Variants in SIPA1L1 observed in about 807,000 individuals in gnomAD.
The protein encoded by SIPA1L1 is signal induced proliferation associated 1 like 1.
SIPA1L1 carries 26 observed loss-of-function variants against 162.7 expected under a neutral mutation model. That is an observed-to-expected ratio of 0.16 (90% CI 0.12 to 0.22). The LOEUF (loss-of-function observed/expected upper bound fraction) is 0.22, where lower values mean the gene tolerates loss of function less well. SIPA1L1 is among the 10% of genes least tolerant of loss of function. The pLI is 1.00. For missense variants in SIPA1L1, 1,874 were observed against 2,241.0 expected, an observed-to-expected ratio of 0.84 and a Z score of 3.31; for synonymous variants, 829 against 837.4, an observed-to-expected ratio of 0.99 and a Z score of 0.17.
intron 4 of SIPA1L1, among the ~76,000 whole-genome samples, chr14:71,537,110 A>G (rs1226935927): frequency 1.3e-5 from 2 of 152,200 alleles, no homozygotes; most frequent in African/African-American, 4.8e-5. Flanking sequence ...TGGTAGTGAC[A>G]TCCCTGTTTA....
At chr14:71,456,408 G>A (rs2046192797) in intron 2 of SIPA1L1, among the ~76,000 whole-genome samples, 1 of 152,162 alleles carries the variant, frequency 6.6e-6, no homozygotes, top group African/African-American at 2.4e-5. Flanking sequence ...TCAATTTTAT[G>A]TACTAAAATA....
intron 13 of SIPA1L1, among the ~76,000 whole-genome samples, chr14:71,693,635 T>G (rs1181383389): frequency 1.3e-5 from 2 of 152,148 alleles, no homozygotes; most frequent in Non-Finnish European, 2.9e-5. Flanking sequence ...TTGCTTGAAG[T>G]TGAACACAAC....
chr14:71,519,037 C>G (rs1045724726), intron 3 of SIPA1L1, among the ~76,000 whole-genome samples: 1 of 152,134 alleles, frequency 6.6e-6, no homozygotes, highest in African/African-American at 2.4e-5. Context: ...ATTACCTTCC[C>G]GGGGTCCCTC....
intron 2 of SIPA1L1, among the ~76,000 whole-genome samples, chr14:71,324,285 C>CTGAA (rs1269717420): frequency 6.6e-6 from 1 of 152,158 alleles, no homozygotes; most frequent in African/African-American, 2.4e-5. Context: ...TATGAGGAAA[C>CTGAA]TGAAGCCCAG....
intron 5 of SIPA1L1, among the ~76,000 whole-genome samples, chr14:71,606,196 G>A (rs564567628): frequency 3.9e-5 from 6 of 152,300 alleles, no homozygotes; most frequent in East Asian, 3.9e-4. Flanking sequence ...ACATGCAGAC[G>A]GGTGGAAAAC....
At chr14:71,412,232 T>C (rs1249363302) in intron 2 of SIPA1L1, among the ~76,000 whole-genome samples, 1 of 152,238 alleles carries the variant, frequency 6.6e-6, no homozygotes, top group Admixed American at 6.5e-5. Context: ...ACGAGCCACA[T>C]GTGGCACAGG....
chr14:71,520,063 C>A (rs1015265156), intron 3 of SIPA1L1, among the ~76,000 whole-genome samples: 6 of 152,156 alleles, frequency 3.9e-5, no homozygotes, highest in Non-Finnish European at 8.8e-5. Context: ...GATTGCACCA[C>A]TGCACTCAAG....
At chr14:71,663,130 A>T (rs555449746) in intron 10 of SIPA1L1, among the ~76,000 whole-genome samples, 5 of 152,324 alleles carry the variant, frequency 3.3e-5, no homozygotes, top group African/African-American at 9.6e-5. Flanking sequence ...AGATTTTTTT[A>T]AAAAGTGCCA....
At chr14:71,413,902 A>T (rs1313339040) in intron 2 of SIPA1L1, 1 of 152,170 alleles carries the variant, frequency 6.6e-6, no homozygotes, top group Non-Finnish European at 1.5e-5. Flanking sequence ...TGTTTTTCAA[A>T]ATTTGGAAAT....
At chr14:71,538,327 GAAATTTTACC>G (rs2054084237) in intron 4 of SIPA1L1, among the ~76,000 whole-genome samples, 1 of 151,394 alleles carries the variant, frequency 6.6e-6, no homozygotes, top group South Asian at 2.1e-4. Flanking sequence ...ATTTTGTTCT[GAAATTTTACC>G]AAATTCTTTG....
intron 5 of SIPA1L1, among the ~76,000 whole-genome samples, chr14:71,590,000 T>A (rs1423568040): frequency 2.2e-5 from 3 of 135,484 alleles, no homozygotes; most frequent in African/African-American, 8.2e-5. Context: ...TCCTTTCTAA[T>A]CTTTTCTTTG....
intron 2 of SIPA1L1, among the ~76,000 whole-genome samples, chr14:71,459,309 T>C (rs2046413602): frequency 6.6e-6 from 1 of 151,960 alleles, no homozygotes. Flanking sequence ...ATTATGTGAG[T>C]TGAAATAGGT....
At chr14:71,553,466 T>C (rs2056060568) in intron 4 of SIPA1L1, among the ~76,000 whole-genome samples, 1 of 152,248 alleles carries the variant, frequency 6.6e-6, no homozygotes, top group South Asian at 2.1e-4. Flanking sequence ...CTGCATTCTT[T>C]TTTCCTCTCT....
intron 2 of SIPA1L1, among the ~76,000 whole-genome samples, chr14:71,350,684 A>G (rs930402161): frequency 6.6e-6 from 1 of 152,214 alleles, no homozygotes; most frequent in African/African-American, 2.4e-5. Context: ...TAGGGATTGC[A>G]GTGGTCCTAA....
intron 12 of SIPA1L1, among the ~76,000 whole-genome samples, chr14:71,678,481 G>A (rs2149467577): frequency 6.6e-6 from 1 of 152,264 alleles, no homozygotes; most frequent in Admixed American, 6.5e-5. Context: ...TTGCATCCCA[G>A]GGATGAAGCC....
rs147285643 is a variant in SIPA1L1, at chr14:71,403,599, CAAAAAAAAAA to C, written c.-465+82434_-465+82443del. On this transcript the variant is annotated intron_variant, in intron 2 of 23. Coordinates refer to ENST00000381232, the MANE Select transcript of SIPA1L1 (RefSeq NM_001386936.1). Reference sequence around the variant, plus strand: ...TAGGTGACAGGCTGAGACTCTGTCTCAAAAAAAAAAAAAAAAAAAAAAAAATCTTAATCAT... The same window carrying C: ...TAGGTGACAGGCTGAGACTCTGTCTCAAAAAAAAAAAAAAATCTTAATCAT... 2.2e-4 allele frequency among the ~76,000 whole-genome samples: 15 copies of C among 69,298 alleles called. No homozygotes were observed. The Admixed American group carries it at 2.6e-3, about 12-fold the overall frequency. 45.5% of individuals were successfully genotyped at this position (69,298 alleles called of 152,430 possible).
chr14:71,612,753 T>G (rs1469153169), intron 5 of SIPA1L1, among the ~76,000 whole-genome samples: 1 of 152,210 alleles, frequency 6.6e-6, no homozygotes, highest in Non-Finnish European at 1.5e-5. Context: ...TGCTTATATA[T>G]CTTATAATCA....
intron 2 of SIPA1L1, among the ~76,000 whole-genome samples, chr14:71,447,462 C>T (rs2045493169): frequency 6.6e-6 from 1 of 151,904 alleles, no homozygotes; most frequent in Non-Finnish European, 1.5e-5. Flanking sequence ...TCTGATTATT[C>T]TGCCAGTGCA....
chr14:71,321,432 C>T (rs886945344), intron 2 of SIPA1L1: 1 of 152,316 alleles, frequency 6.6e-6, no homozygotes, highest in South Asian at 2.1e-4. Context: ...GGGCAGGCGT[C>T]TCTGCGGGAG....
Sources: gnomAD v4.1 joint callset for allele counts (sites outside exome capture counted in the v4.1 genomes callset) on GRCh38, gnomAD v4.1.1 for gene constraint, MANE v1.5 for transcripts, NCBI Gene and HGNC (gene_info 2026-07-23, HGNC 2026-07-21) for gene names.